STXBP3: variants seen among roughly 807,000 people sequenced by gnomAD.
STXBP3 encodes syntaxin binding protein 3.
Under a neutral mutation model 85.7 loss-of-function variants are expected in STXBP3, and 41 were observed. That is an observed-to-expected ratio of 0.48 (90% CI 0.37 to 0.62). STXBP3 has a LOEUF of 0.62. STXBP3 is among the 20% of genes least tolerant of loss of function. The pLI is 0.00. For missense variants in STXBP3, 563 were observed against 703.1 expected (o/e 0.80, Z 2.25); for synonymous variants, 229 against 231.7 (o/e 0.99, Z 0.10).
chr1:108,747,099 G>T (rs1328971317), intron 1 of STXBP3, among the ~76,000 whole-genome samples: 1 of 24,296 alleles, frequency 4.1e-5, no homozygotes, highest in East Asian at 3.1e-4. Flanking sequence ...CGGAGCCCGT[G>T]CGTGCCCTCG....
intron 2 of STXBP3, among the ~76,000 whole-genome samples, chr1:108,752,783 G>A (rs1661931591): frequency 6.6e-6 from 1 of 152,202 alleles, no homozygotes; most frequent in Non-Finnish European, 1.5e-5. Context: ...AGTGGCAATT[G>A]TAATTTTAAG....
At chr1:108,757,088 A>G (rs1202349723) in intron 4 of STXBP3, 2 of 177,990 alleles carry the variant, frequency 1.1e-5, no homozygotes, top group African/African-American at 2.4e-5. Flanking sequence ...TAGGTAAAAG[A>G]AATAATCTAT....
At chr1:108,772,306 C>G (rs191905631) in intron 6 of STXBP3, among the ~76,000 whole-genome samples, 2 of 48,438 alleles carry the variant, frequency 4.1e-5, no homozygotes, top group Admixed American at 3.5e-4. Flanking sequence ...ATATCTGTAT[C>G]ATATATAAAT....
At chr1:108,779,241 T>A (rs981612498) in intron 8 of STXBP3, 45 bp from the exon 9 acceptor site, 3 of 1,583,884 alleles carry the variant, frequency 1.9e-6, no homozygotes, top group Non-Finnish European at 2.6e-6. Context: ...ATGTTCACAC[T>A]AAGAAATTGA....
intron 1 of STXBP3, among the ~76,000 whole-genome samples, chr1:108,747,571 A>G (rs1661817400): frequency 6.6e-6 from 1 of 152,128 alleles, no homozygotes; most frequent in South Asian, 2.1e-4. Flanking sequence ...AAACCACCCA[A>G]CAGGAATAAC....
intron 1 of STXBP3, among the ~76,000 whole-genome samples, chr1:108,750,813 C>T (rs1000315146): frequency 2.6e-5 from 4 of 152,202 alleles, no homozygotes; most frequent in African/African-American, 9.6e-5. Flanking sequence ...CTACAACCTC[C>T]CTTCCCTTTC....
At chr1:108,788,349 A>G (rs1662901443) in intron 11 of STXBP3, among the ~76,000 whole-genome samples, 1 of 152,136 alleles carries the variant, frequency 6.6e-6, no homozygotes, top group South Asian at 2.1e-4. Context: ...CTTTTCTGTA[A>G]TAGTCCTTTT....
intron 3 of STXBP3, among the ~76,000 whole-genome samples, chr1:108,755,113 A>G (rs1264689855): frequency 6.6e-6 from 1 of 152,140 alleles, no homozygotes; most frequent in Non-Finnish European, 1.5e-5. Flanking sequence ...AGGATTTGCT[A>G]CTTGAGTGGA....
At chr1:108,780,241 TG>T (rs1404598853) in intron 9 of STXBP3, 1 of 152,148 alleles carries the variant, frequency 6.6e-6, no homozygotes, top group African/African-American at 2.4e-5. Context: ...TATTTTCTAT[TG>T]TATTTTTATT....
rs147216778 is a variant in STXBP3 at position 108,752,137 on chromosome 1, A to G, written c.50-120A>G. 7 of 830,492 alleles carry G rather than the reference A, an allele frequency of 8.4e-6. No homozygotes were observed. In the East Asian group the frequency reaches 1.3e-4, roughly 15 times the overall value. 51.4% of individuals were successfully genotyped at this position (830,492 alleles called of 1,614,324 possible). A position where few individuals can be genotyped will look rare whatever the true frequency, so the allele number is the denominator to read the frequency against. On this transcript the variant is annotated intron_variant, in intron 1 of 18. Coordinates refer to ENST00000370008, the MANE Select transcript of STXBP3 (RefSeq NM_007269.4). ...TTTCCGTAAGGTTTAACAAATATGT[A>G]TGCTTTTTATGTAGTTTAACAAATT... is the stretch of plus-strand genomic sequence containing the variant.
chr1:108,765,995 G>C (rs1662257450), intron 6 of STXBP3, among the ~76,000 whole-genome samples: 1 of 151,734 alleles, frequency 6.6e-6, no homozygotes, highest in South Asian at 2.1e-4. Flanking sequence ...TGGGATTACA[G>C]GCATGTGCCA....
chr1:108,768,129 CT>C (rs1373490461), intron 6 of STXBP3, among the ~76,000 whole-genome samples: 2 of 152,020 alleles, frequency 1.3e-5, no homozygotes, highest in Non-Finnish European at 1.5e-5. Flanking sequence ...GGGAGATTCT[CT>C]TTTTAAATAT....
chr1:108,772,134 T>C lies in STXBP3; in HGVS notation c.439-531T>C, dbSNP rs1397182465. 4.3e-3 allele frequency among the ~76,000 whole-genome samples: 155 copies of C among 36,320 alleles called. 1 individual carries two copies. The highest frequency in any genetic ancestry group is 0.031 in the Middle Eastern group (1 of 32). 23.8% of individuals were successfully genotyped at this position (36,320 alleles called of 152,430 possible). On this transcript the variant is annotated intron_variant, in intron 6 of 18. Coordinates refer to ENST00000370008, the MANE Select transcript of STXBP3 (RefSeq NM_007269.4). ...TCTATATATCATATATAAATACATA[T>C]GATATCTATCTATATATCATATATA...
At chr1:108,757,291 G>A (rs994045965) in intron 4 of STXBP3, among the ~76,000 whole-genome samples, 1 of 151,846 alleles carries the variant, frequency 6.6e-6, no homozygotes, top group African/African-American at 2.4e-5. Flanking sequence ...TCTTTATTCT[G>A]TACAATATCT....
chr1:108,776,494 G>C, intron 8 of STXBP3, 71 bp downstream of exon 8: 1 of 1,169,294 alleles, frequency 8.6e-7, no homozygotes, highest in Non-Finnish European at 1.2e-6. Context: ...AAAGAAACTT[G>C]CTCATTCATT....
chr1:108,798,411 T>TTC (rs1267542655), intron 16 of STXBP3, among the ~76,000 whole-genome samples, 174 bp downstream of exon 16: 7 of 147,052 alleles, frequency 4.8e-5, no homozygotes, highest in African/African-American at 1.8e-4. Flanking sequence ...TTCTTCTTTT[T>TTC]TTTTTTTTTT....
At chr1:108,781,402 T>C (rs1231221435) in intron 9 of STXBP3, 3 of 152,192 alleles carry the variant, frequency 2.0e-5, no homozygotes, top group Admixed American at 1.3e-4. Flanking sequence ...TGATTCAGTC[T>C]TGTCTAGTTC....
rs770612962 is a variant in STXBP3, at chr1:108,796,604, T to G, written c.1250-16T>G. 1 of 1,607,968 alleles carries G rather than the reference T, an allele frequency of 6.2e-7. No homozygotes were observed. Among genetic ancestry groups the G allele is most frequent in the Admixed American group, 1.7e-5 (1 of 59,538 alleles). On this transcript the variant is annotated splice_polypyrimidine_tract_variant and intron_variant, in intron 14 of 18. Coordinates refer to ENST00000370008, the MANE Select transcript of STXBP3 (RefSeq NM_007269.4). ...GCAATTGTGTGATTGTGCACTCATA[T>G]TTTTACCTATTTAAGGAACTACGGA...
chr1:108,754,328 G>A (rs1330734451), intron 3 of STXBP3, among the ~76,000 whole-genome samples: 1 of 152,062 alleles, frequency 6.6e-6, no homozygotes, highest in Non-Finnish European at 1.5e-5. Flanking sequence ...AAGCCACCAT[G>A]CCCAGCCATA....
Sources: allele counts gnomAD v4.1 joint callset (sites outside exome capture counted in the v4.1 genomes callset), GRCh38; gene constraint gnomAD v4.1.1; transcripts MANE v1.5; gene names NCBI Gene and HGNC (gene_info 2026-07-23, HGNC 2026-07-21).